Variants in KCNN2 observed in about 807,000 individuals in gnomAD.
The protein encoded by KCNN2 is potassium calcium-activated channel subfamily N member 2.
KCNN2 carries 24 observed loss-of-function variants against 55.5 expected under a neutral mutation model. That is an observed-to-expected ratio of 0.43 (90% confidence interval 0.31 to 0.61). The LOEUF is 0.61. Among genes scored for constraint, KCNN2 ranks in the 20% least tolerant of loss-of-function variants. The pLI is 0.08. For missense variants in KCNN2, 754 were observed against 853.6 expected (o/e 0.88, Z 1.45); for synonymous variants, 431 against 336.1 (o/e 1.28, Z -3.09).
chr5:114,391,529 A>G (rs1758452378), intron 2 of KCNN2, among the ~76,000 whole-genome samples: 1 of 152,094 alleles, frequency 6.6e-6, no homozygotes, highest in Non-Finnish European at 1.5e-5. Context: ...TGTGAGTCAC[A>G]CTACCAGATA....
intron 1 of KCNN2, among the ~76,000 whole-genome samples, chr5:114,063,998 T>C (rs1305108684): frequency 6.6e-6 from 1 of 152,164 alleles, no homozygotes; most frequent in Non-Finnish European, 1.5e-5. Flanking sequence ...TTCTCACAAC[T>C]TATGGTGGAT....
chr5:114,450,675 C>T (rs888708564), intron 3 of KCNN2, among the ~76,000 whole-genome samples: 4 of 152,084 alleles, frequency 2.6e-5, no homozygotes, highest in African/African-American at 9.7e-5. Context: ...TACTAGAGTC[C>T]CAGCTGCCCT....
chr5:114,218,898 G>A (rs4476711), intron 1 of KCNN2, among the ~76,000 whole-genome samples: 130,366 of 151,922 alleles, frequency 0.86, 56,160 homozygotes, highest in East Asian at 0.94. Context: ...GGGACTTGTG[G>A]CATGGTACCT....
chr5:114,245,913 A>C (rs79963925), intron 2 of KCNN2, among the ~76,000 whole-genome samples: 1 of 152,194 alleles, frequency 6.6e-6, no homozygotes, highest in African/African-American at 2.4e-5. Flanking sequence ...TGTTCTCAGC[A>C]TATCTACTAA....
chr5:114,195,404 C>T (rs1393695707), intron 1 of KCNN2, among the ~76,000 whole-genome samples: 1 of 151,816 alleles, frequency 6.6e-6, no homozygotes, highest in East Asian at 1.9e-4. Context: ...CTTAAACATT[C>T]TTTATAAGAT....
intron 1 of KCNN2, among the ~76,000 whole-genome samples, chr5:114,174,579 A>G (rs1753101250): frequency 6.6e-6 from 1 of 152,164 alleles, no homozygotes; most frequent in African/African-American, 2.4e-5. Flanking sequence ...TCTGTGTTGC[A>G]TGTCCTTTGA....
chr5:114,453,334 C>G (rs1354193078), intron 3 of KCNN2, among the ~76,000 whole-genome samples: 1 of 152,186 alleles, frequency 6.6e-6, no homozygotes, highest in Non-Finnish European at 1.5e-5. Flanking sequence ...CTCTTTTCCT[C>G]CCAACACACA....
At chr5:114,195,216 C>CAAA (rs1561517852) in intron 1 of KCNN2, among the ~76,000 whole-genome samples, 1 of 147,420 alleles carries the variant, frequency 6.8e-6, no homozygotes, top group African/African-American at 2.5e-5. Flanking sequence ...TGATTTCTGC[C>CAAA]GAAAAAAAAA....
chr5:114,495,381 A>C (rs1294062451), intron 7 of KCNN2, among the ~76,000 whole-genome samples: 3 of 152,234 alleles, frequency 2.0e-5, no homozygotes, highest in African/African-American at 7.2e-5. Flanking sequence ...TTACAAAATT[A>C]TCAAACCAGT....
At chr5:114,074,329 T>TGTGTGTGTGTGTGTGTGC (rs1200712655) in intron 1 of KCNN2, among the ~76,000 whole-genome samples, 3 of 138,668 alleles carry the variant, frequency 2.2e-5, no homozygotes, top group African/African-American at 8.7e-5. Flanking sequence ...TGTGTGTGTG[T>TGTGTGTGTGTGTGTGTGC]GCGCGCGCGC....
chr5:114,202,483 G>T (rs1753691179), intron 1 of KCNN2, among the ~76,000 whole-genome samples: 1 of 109,954 alleles, frequency 9.1e-6, no homozygotes, highest in African/African-American at 3.5e-5. Flanking sequence ...AAATACCATA[G>T]CACTTCATGC....
chr5:114,258,820 T>C (rs1306836336), intron 2 of KCNN2, among the ~76,000 whole-genome samples: 1 of 152,156 alleles, frequency 6.6e-6, no homozygotes, highest in Non-Finnish European at 1.5e-5. Flanking sequence ...CAGAACCTCC[T>C]CCCTCAGCCT....
rs189167692 is a variant in KCNN2, at chr5:114,382,802, T to C, written c.1218+18801T>C. On this transcript the variant is annotated intron_variant, in intron 2 of 7. Transcript: ENST00000673685. ...CAGTCATATGCCCAACCCTGGAAAC[T>C]GGCCACTCCAAGGATTAGCAGCTTG... Among the ~76,000 whole-genome samples, 7 of 152,306 alleles carry C rather than the reference T, an allele frequency of 4.6e-5. 1 individual carries two copies. The East Asian group carries it at 1.3e-3, about 29-fold the overall frequency.
At position 114,322,824 on chromosome 5, in the gene KCNN2, A is replaced by T. The variant is rs569506465; in HGVS notation, c.-184-38121A>T. Among the ~76,000 whole-genome samples the T allele has an allele frequency of 2.0e-4, 31 of 152,252 alleles. No homozygotes were observed. In the South Asian group the frequency reaches 6.4e-3, roughly 32 times the overall value. ...AAATGCTTCTTTTTTAACTTTTATT[A>T]TAGGTTTGAGGGTACATGTAAAGGT... is the stretch of plus-strand genomic sequence containing the variant. On this transcript the variant is annotated intron_variant, in intron 2 of 10. Transcript: ENST00000512097.
chr5:114,346,135 A>G (rs1175003248), intron 2 of KCNN2, among the ~76,000 whole-genome samples: 1 of 152,220 alleles, frequency 6.6e-6, no homozygotes, highest in Non-Finnish European at 1.5e-5. Context: ...GGCACATCAC[A>G]TGGCCAAAGC....
chr5:114,495,712 G>C (rs1290015670), intron 7 of KCNN2, among the ~76,000 whole-genome samples, 183 bp from the exon 8 acceptor site: 1 of 152,114 alleles, frequency 6.6e-6, no homozygotes, highest in East Asian at 1.9e-4. Flanking sequence ...CTTATATTTC[G>C]ATTATAAATC....
chr5:114,258,035 G>A (rs1340510479), intron 2 of KCNN2, among the ~76,000 whole-genome samples: 2 of 151,958 alleles, frequency 1.3e-5, no homozygotes, highest in African/African-American at 4.8e-5. Context: ...AGTTTGTTGA[G>A]GGTTTTTTAA....
At chr5:114,240,882 T>A (rs1020669498) in intron 2 of KCNN2, among the ~76,000 whole-genome samples, 2 of 151,948 alleles carry the variant, frequency 1.3e-5, no homozygotes, top group South Asian at 2.1e-4. Flanking sequence ...GTGAAAAGAA[T>A]TTAAAAAATT....
At chr5:114,432,209 C>G (rs1219087201) in intron 3 of KCNN2, among the ~76,000 whole-genome samples, 1 of 152,166 alleles carries the variant, frequency 6.6e-6, no homozygotes, top group East Asian at 1.9e-4. Flanking sequence ...TTCTTTTCTC[C>G]TTGCAGTTCT....
Sources: allele counts gnomAD v4.1 joint callset (sites outside exome capture counted in the v4.1 genomes callset), GRCh38; gene constraint gnomAD v4.1.1; transcripts MANE v1.5; gene names NCBI Gene and HGNC (gene_info 2026-07-23, HGNC 2026-07-21).